GLI2: variants seen among roughly 807,000 people sequenced by gnomAD.
GLI2 encodes the protein transcription activator GLI2.
Under a neutral mutation model 78.9 loss-of-function variants are expected in GLI2, and 22 were observed. The observed-to-expected ratio is 0.28, with a 90% CI of 0.20 to 0.40. The LOEUF (loss-of-function observed/expected upper bound fraction) is 0.40. Ranked by LOEUF, GLI2 falls within the 10% of genes least tolerant of loss-of-function variation. The pLI, the probability that GLI2 is intolerant of heterozygous loss-of-function variation, is 1.00. For synonymous variants in GLI2, 974 were observed against 963.7 expected, an observed-to-expected ratio of 1.01 and a Z score of -0.20; for missense variants, 2,097 against 2,213.2, an observed-to-expected ratio of 0.95 and a Z score of 1.05.
At chr2:120,894,257 C>T (rs984311309) in intron 2 of GLI2, among the ~76,000 whole-genome samples, 1 of 152,240 alleles carries the variant, frequency 6.6e-6, no homozygotes, top group African/African-American at 2.4e-5. Flanking sequence ...AAGCAAAACT[C>T]ATTAGTATAT....
rs888545656 is a variant in GLI2, at chr2:120,882,498, G to A, written c.149-44863G>A. Among the ~76,000 whole-genome samples, 7 of 152,258 alleles carry A rather than the reference G, an allele frequency of 4.6e-5. No homozygotes were observed. The South Asian group carries it at 1.0e-3, about 22-fold the overall frequency. ...CCAAAGCTCTGTGAATTTGTGGAAC[G>A]CAGATGGAGGGAAGGTCAAGCTTGG... On this transcript the variant is annotated intron_variant, in intron 2 of 13. Transcript: ENST00000361492.
chr2:120,957,377 CCT>C (rs1681325573), intron 5 of GLI2, among the ~76,000 whole-genome samples: 1 of 152,368 alleles, frequency 6.6e-6, no homozygotes, highest in South Asian at 2.1e-4. Context: ...GTTCCCCTCT[CCT>C]CTCAGCAGCC....
chr2:120,954,696 A>G (rs1431537644), intron 4 of GLI2, among the ~76,000 whole-genome samples: 2 of 152,000 alleles, frequency 1.3e-5, no homozygotes, highest in Admixed American at 6.6e-5. Flanking sequence ...CTTTCCTAAG[A>G]CCTGGGCAGG....
intron 1 of GLI2, among the ~76,000 whole-genome samples, chr2:120,771,609 G>T (rs1290041103): frequency 6.6e-6 from 1 of 152,240 alleles, no homozygotes; most frequent in African/African-American, 2.4e-5. Flanking sequence ...TGCCCTTCCA[G>T]TCGGGAGGCT....
intron 1 of GLI2, among the ~76,000 whole-genome samples, chr2:120,793,415 G>A (rs1316920024): frequency 6.6e-6 from 1 of 152,220 alleles, no homozygotes; most frequent in Non-Finnish European, 1.5e-5. Flanking sequence ...CCTCCCTGCT[G>A]TCCCCAGGCA....
Position 120,986,486 on chromosome 2 carries a change from A to G in GLI2, c.2114A>G (p.His705Arg), listed in dbSNP as rs993816030. The change falls in exon 13 of 14, where the codon CAC (histidine) becomes CGC (arginine). Residue 705 changes from histidine (H) to arginine (R), a missense_variant. Physicochemically the swap from His to Arg is conservative, Grantham distance 29. Around this residue, in one of 5 missense-constraint regions of GLI2, gnomAD observed 1,290 missense variants for 1,261.7 expected, o/e 1.02. Transcript: ENST00000361492. ...GCTGGTGGCCTCCAGCTGCGCAAACACATGACCACCATGCACCGGTTCGAG... is the reference window on the plus strand; with the variant it reads ...GCTGGTGGCCTCCAGCTGCGCAAACGCATGACCACCATGCACCGGTTCGAG... ...PSAGGLQLRK[H>R]MTTMHRFEQL... The G allele has an allele frequency of 2.3e-5, 37 of 1,613,892 alleles. No individual in the cohort carries two copies. Among genetic ancestry groups the G allele is most frequent in the Non-Finnish European group, 3.1e-5 (36 of 1,180,018 alleles).
Position 120,979,359 on chromosome 2 carries a change from A to G in GLI2, c.1467+776A>G, listed in dbSNP as rs75738888. ...AGGATTTATGACTATAGTTGGAGAG[A>G]CTTATTTTTTTAACACACAGAAACT... On this transcript the variant is annotated intron_variant, in intron 10 of 13. Coordinates refer to ENST00000361492, the MANE Select transcript of GLI2 (RefSeq NM_001374353.1). 2.7e-4 allele frequency among the ~76,000 whole-genome samples: 41 copies of G among 152,092 alleles called. No homozygotes were observed. The East Asian group carries it at 7.9e-3, about 29-fold the overall frequency.
chr2:120,810,969 G>C (rs1685210252), intron 2 of GLI2, among the ~76,000 whole-genome samples: 1 of 152,204 alleles, frequency 6.6e-6, no homozygotes, highest in Non-Finnish European at 1.5e-5. Context: ...TCTCATTCCG[G>C]GTGATTCCAG....
intron 2 of GLI2, among the ~76,000 whole-genome samples, chr2:120,812,827 C>T (rs1185871925): frequency 6.6e-6 from 1 of 152,214 alleles, no homozygotes; most frequent in Non-Finnish European, 1.5e-5. Flanking sequence ...GTGAGTGCCC[C>T]CTCCAATCCT....
At chr2:120,973,223 G>A (rs1243851382) in intron 8 of GLI2, among the ~76,000 whole-genome samples, 1 of 152,226 alleles carries the variant, frequency 6.6e-6, no homozygotes, top group South Asian at 2.1e-4. Context: ...GTCTCAGCAC[G>A]ATGCATGGTT....
Position 120,988,426 on chromosome 2 carries a change from G to C in GLI2, c.2461G>C (p.Ala821Pro). ...CTTCTCCAGCCGCCGCTCCAGCGAGGCCTCGCCCCTGGGCGCCGGCCGCCC... is the reference window on the plus strand; with the variant it reads ...CTTCTCCAGCCGCCGCTCCAGCGAGCCCTCGCCCCTGGGCGCCGGCCGCCC... ...PYFSSRRSSE[A>P]SPLGAGRPHN... The change falls in exon 14 of 14, where the codon GCC becomes CCC. Residue 821 changes from alanine to proline, a missense_variant. Around this residue, in one of 5 missense-constraint regions of GLI2, gnomAD observed 1,290 missense variants for 1,261.7 expected, o/e 1.02. Coordinates refer to ENST00000361492, the MANE Select transcript of GLI2 (RefSeq NM_001374353.1). 6.3e-7 allele frequency: 1 copy of C among 1,575,606 alleles called. No individual in the cohort carries two copies. Among genetic ancestry groups the C allele is most frequent in the Non-Finnish European group, 8.5e-7 (1 of 1,170,446 alleles).
intron 3 of GLI2, among the ~76,000 whole-genome samples, chr2:120,943,836 A>G (rs1479310378): frequency 6.6e-6 from 1 of 152,116 alleles, no homozygotes; most frequent in Non-Finnish European, 1.5e-5. Context: ...TCAGCTCCAC[A>G]TTGTTCAGCT....
chr2:120,943,926 C>T (rs1680581576), intron 3 of GLI2, among the ~76,000 whole-genome samples: 1 of 152,192 alleles, frequency 6.6e-6, no homozygotes, highest in African/African-American at 2.4e-5. Context: ...CCTTAAGGAA[C>T]ATGCCGGTTC....
chr2:120,951,993 C>A (rs1439906004), intron 4 of GLI2, among the ~76,000 whole-genome samples: 2 of 152,198 alleles, frequency 1.3e-5, no homozygotes, highest in African/African-American at 4.8e-5. Flanking sequence ...CCCGGTGTGA[C>A]TAATTTCAGC....
At chr2:120,873,534 C>T (rs1688574386) in intron 2 of GLI2, among the ~76,000 whole-genome samples, 1 of 152,172 alleles carries the variant, frequency 6.6e-6, no homozygotes, top group African/African-American at 2.4e-5. Context: ...TCTGGACACC[C>T]ACAGTGTCTA....
chr2:120,897,362 C>G lies in GLI2; in HGVS notation c.149-29999C>G, dbSNP rs560213283. On this transcript the variant is annotated intron_variant, in intron 2 of 13. Coordinates refer to ENST00000361492, the MANE Select transcript of GLI2 (RefSeq NM_001374353.1). ...TCAGTTTTGCTCAAGAGCCTGAACA[C>G]TACCGCTTTCCTACTAAAGGCTAAA... Among the ~76,000 whole-genome samples the G allele has an allele frequency of 7.2e-5, 11 of 152,360 alleles. No individual in the cohort carries two copies. In the East Asian group the frequency reaches 1.9e-3, roughly 27 times the overall value.
chr2:120,988,504 C>T lies in GLI2; in HGVS notation c.2539C>T (p.Arg847Trp). 1 of 1,530,770 alleles carries T rather than the reference C, an allele frequency of 6.5e-7. No individual in the cohort carries two copies. The highest frequency in any genetic ancestry group is 8.7e-7 in the Non-Finnish European group (1 of 1,147,866). 94.8% of individuals were successfully genotyped at this position (1,530,770 alleles called of 1,614,324 possible). A position where few individuals can be genotyped will look rare whatever the true frequency, so the allele number is the denominator to read the frequency against. Reference sequence around the variant, plus strand: ...CGACCCCATCTCCACGGACGCGTCGCGGCGCTCGAGCGAGGCCAGCCAGTG... The same window carrying T: ...CGACCCCATCTCCACGGACGCGTCGTGGCGCTCGAGCGAGGCCAGCCAGTG... ...SYDPISTDASRRSSEASQCSG... is the reference protein window; with the variant it reads ...SYDPISTDASWRSSEASQCSG... The change falls in exon 14 of 14, where the codon CGG (arginine) becomes TGG (tryptophan). Residue 847 changes from arginine (R) to tryptophan (W), a missense_variant. This residue lies in a region of GLI2 where 1,290 missense variants were observed against 1,261.7 expected (regional missense o/e 1.02). Coordinates refer to ENST00000361492, the MANE Select transcript of GLI2 (RefSeq NM_001374353.1).
intron 2 of GLI2, among the ~76,000 whole-genome samples, chr2:120,870,078 G>A (rs753324763): frequency 1.2e-4 from 18 of 152,200 alleles, no homozygotes; most frequent in Admixed American, 3.9e-4. Flanking sequence ...TAAGAGGATT[G>A]AAGTGCAAAG....
chr2:120,972,150 A>C (rs952541646), intron 8 of GLI2, 87 bp downstream of exon 8: 1 of 1,478,528 alleles, frequency 6.8e-7, no homozygotes, highest in African/African-American at 1.4e-5. Flanking sequence ...TGGTGAACGG[A>C]TGGCTGGCTG....
Sources: allele counts gnomAD v4.1 joint callset (sites outside exome capture counted in the v4.1 genomes callset), GRCh38; gene constraint gnomAD v4.1.1; regional missense constraint gnomAD v4.1.1; transcripts MANE v1.5; gene names NCBI Gene and HGNC (gene_info 2026-07-23, HGNC 2026-07-21).